GSK3B: variants seen among roughly 807,000 people sequenced by gnomAD.
The protein encoded by GSK3B is glycogen synthase kinase-3 beta.
In GSK3B, 15 loss-of-function variants were observed where a neutral mutation model predicts 56.4. The observed-to-expected ratio is 0.27, with a 90% CI of 0.18 to 0.41. The LOEUF (loss-of-function observed/expected upper bound fraction) is 0.41. Ranked by LOEUF, GSK3B falls within the 10% of genes least tolerant of loss-of-function variation. GSK3B has a pLI of 1.00. For synonymous variants in GSK3B, 181 were observed against 188.9 expected, an observed-to-expected ratio of 0.96 and a Z score of 0.34; for missense variants, 300 against 513.4, an observed-to-expected ratio of 0.58 and a Z score of 4.02.
Position 120,093,990 on chromosome 3 carries a change from AG to A in GSK3B, c.-557del. ...CCGCGGGATCCGGCGGGCTGACGGC[AG>A]GGGCCCGGCGAACTAGAGGGCGGCG... On this transcript the variant is annotated 5_prime_UTR_variant, in exon 1 of 11. Transcript: ENST00000264235. 4.7e-6 allele frequency: 1 copy of A among 213,480 alleles called. No individual in the cohort carries two copies. The highest frequency in any genetic ancestry group is 9.6e-6 in the Non-Finnish European group (1 of 104,330). 13.2% of individuals were successfully genotyped at this position (213,480 alleles called of 1,614,324 possible).
At chr3:120,056,321 CA>C (rs141424697) in intron 1 of GSK3B, among the ~76,000 whole-genome samples, 2,752 of 152,170 alleles carry the variant, frequency 0.018, 91 homozygotes, top group African/African-American at 0.063. Flanking sequence ...ATGGAGTAAA[CA>C]AAAGTCTTTG....
intron 9 of GSK3B, among the ~76,000 whole-genome samples, chr3:119,848,166 A>G (rs1328260343): frequency 6.6e-6 from 1 of 152,228 alleles, no homozygotes; most frequent in Non-Finnish European, 1.5e-5. Context: ...AGTGGTAGCG[A>G]GCTTGTACAC....
chr3:119,953,745 A>G (rs891364461), intron 2 of GSK3B, among the ~76,000 whole-genome samples: 1 of 152,114 alleles, frequency 6.6e-6, no homozygotes, highest in Non-Finnish European at 1.5e-5. Context: ...TACATTTACC[A>G]TCACATTACC....
At position 119,876,466 on chromosome 3, in the gene GSK3B, G is replaced by A. The variant is rs771909190; in HGVS notation, c.856C>T (p.Pro286Ser). 1 of 1,610,154 alleles carries A rather than the reference G, an allele frequency of 6.2e-7. No individual in the cohort carries two copies. Among genetic ancestry groups the A allele is most frequent in the Non-Finnish European group, 8.5e-7 (1 of 1,176,606 alleles). ...GGGAATTTAAATTCTGTGTAGTTTG[G>A]GTTCATTTCTCTGATTTGCTCCCTT... ...PTREQIREMN[P>S]NYTEFKFPQI... Residue 286 changes from proline (P) to serine (S), a missense_variant, in exon 8 of 11, where the codon CCA (proline) becomes TCA (serine). Transcript: ENST00000264235.
At chr3:120,081,420 G>A (rs1482519179) in intron 1 of GSK3B, among the ~76,000 whole-genome samples, 2 of 152,122 alleles carry the variant, frequency 1.3e-5, no homozygotes, top group African/African-American at 4.8e-5. Context: ...GGTGGTGCAT[G>A]CCTGTAGTCC....
At chr3:119,974,524 GA>G (rs2057394166) in intron 2 of GSK3B, among the ~76,000 whole-genome samples, 1 of 152,102 alleles carries the variant, frequency 6.6e-6, no homozygotes, top group South Asian at 2.1e-4. Flanking sequence ...CTATGAACCA[GA>G]AAACAAGCCC....
chr3:120,059,890 A>T (rs2058222248), intron 1 of GSK3B, among the ~76,000 whole-genome samples: 1 of 152,188 alleles, frequency 6.6e-6, no homozygotes, highest in South Asian at 2.1e-4. Context: ...TTCTTCTGTA[A>T]ACACTTAGAA....
intron 10 of GSK3B, among the ~76,000 whole-genome samples, chr3:119,827,608 A>AAG (rs1400723119): frequency 8.5e-5 from 8 of 94,616 alleles, no homozygotes; most frequent in East Asian, 6.1e-4. Flanking sequence ...AAAAAAAAAA[A>AAG]AGAGAGAGAG....
intron 1 of GSK3B, among the ~76,000 whole-genome samples, chr3:120,057,610 A>G (rs986572551): frequency 6.6e-6 from 1 of 152,198 alleles, no homozygotes; most frequent in African/African-American, 2.4e-5. Context: ...GATATATATT[A>G]AAAGTTCAAA....
intron 3 of GSK3B, among the ~76,000 whole-genome samples, chr3:119,940,582 T>G (rs2057038582): frequency 6.6e-6 from 1 of 152,152 alleles, no homozygotes; most frequent in Non-Finnish European, 1.5e-5. Flanking sequence ...AGAGCTAGAC[T>G]GTGGGGGCTC....
chr3:120,008,730 C>T (rs777494108), intron 1 of GSK3B, among the ~76,000 whole-genome samples: 11 of 152,124 alleles, frequency 7.2e-5, no homozygotes, highest in African/African-American at 1.4e-4. Context: ...AAGACTTAAA[C>T]GTTAAGACCT....
intron 1 of GSK3B, among the ~76,000 whole-genome samples, chr3:120,026,244 C>A (rs1304823372): frequency 6.6e-6 from 1 of 152,048 alleles, no homozygotes; most frequent in Non-Finnish European, 1.5e-5. Context: ...CCCCAAATAT[C>A]AAGCAAGGGA....
At chr3:119,913,038 T>A (rs2056750622) in intron 5 of GSK3B, among the ~76,000 whole-genome samples, 1 of 152,174 alleles carries the variant, frequency 6.6e-6, no homozygotes, top group Admixed American at 6.5e-5. Flanking sequence ...AAAGCGTTTG[T>A]CACCTAAGAA....
chr3:119,894,679 A>T (rs1210807589), intron 7 of GSK3B, among the ~76,000 whole-genome samples: 3 of 152,060 alleles, frequency 2.0e-5, no homozygotes, highest in African/African-American at 7.2e-5. Context: ...ATTTGTAAAA[A>T]TTTTCTCCAA....
intron 10 of GSK3B, among the ~76,000 whole-genome samples, chr3:119,830,584 A>G (rs1377777827): frequency 6.6e-6 from 1 of 152,210 alleles, no homozygotes; most frequent in Non-Finnish European, 1.5e-5. Context: ...AAATGGCATT[A>G]TGGTTTAAAA....
At chr3:120,020,261 C>T (rs944066287) in intron 1 of GSK3B, among the ~76,000 whole-genome samples, 3 of 152,160 alleles carry the variant, frequency 2.0e-5, no homozygotes, top group African/African-American at 4.8e-5. Context: ...TTCTAGTTTA[C>T]AACTTCATTA....
chr3:119,843,233 A>G (rs200742794), intron 10 of GSK3B, 22 bp downstream of exon 10: 2 of 1,507,356 alleles, frequency 1.3e-6, no homozygotes, highest in Non-Finnish European at 9.2e-7. Flanking sequence ...GTTTTTATAG[A>G]AGAGACTTAG....
At chr3:120,035,550 A>C (rs543489450) in intron 1 of GSK3B, among the ~76,000 whole-genome samples, 1 of 152,370 alleles carries the variant, frequency 6.6e-6, no homozygotes, top group South Asian at 2.1e-4. Context: ...AAACCACTGG[A>C]ACTGTAGATC....
chr3:120,022,596 G>T (rs1229105872), intron 1 of GSK3B, among the ~76,000 whole-genome samples: 2 of 151,938 alleles, frequency 1.3e-5, no homozygotes, highest in Non-Finnish European at 2.9e-5. Flanking sequence ...AGAAATGAAA[G>T]AAAAAAAGAC....
Sources: gnomAD v4.1 joint callset for allele counts (sites outside exome capture counted in the v4.1 genomes callset) on GRCh38, gnomAD v4.1.1 for gene constraint, MANE v1.5 for transcripts, NCBI Gene and HGNC (gene_info 2026-07-23, HGNC 2026-07-21) for gene names.